Variants in CPNE1 observed in about 807,000 individuals in gnomAD.
CPNE1 encodes copine-1.
Under a neutral mutation model 63.2 loss-of-function variants are expected in CPNE1, and 58 were observed. The ratio of observed to expected loss-of-function variants is 0.92; its 90% CI spans 0.74 to 1.14. The LOEUF (loss-of-function observed/expected upper bound fraction) is 1.14, where lower values mean the gene tolerates loss of function less well. CPNE1 is among the 50% of genes most tolerant of loss of function. The probability of loss-of-function intolerance (pLI) is 0.00; values close to 1 mark genes in which losing one functional copy is unlikely to be tolerated. For synonymous variants in CPNE1, 237 were observed against 249.0 expected, an observed-to-expected ratio of 0.95 and a Z score of 0.45; for missense variants, 672 against 661.7, an observed-to-expected ratio of 1.02 and a Z score of -0.17.
In CPNE1 at chr20:35,627,287, G is replaced by A; in HGVS notation, c.1229C>T (p.Thr410Ile). The A allele has an allele frequency of 3.1e-6, 5 of 1,611,082 alleles. No individual in the cohort carries two copies. Among genetic ancestry groups the A allele is most frequent in the Non-Finnish European group, 4.2e-6 (5 of 1,178,604 alleles). Reference protein sequence around the residue: ...RFAAQAAHQGTASQYFMLLLL... With the variant: ...RFAAQAAHQGIASQYFMLLLL... Reference sequence around the variant, plus strand: ...GCCACCCACGACTCTCACCGAGGCAGTCCCCTGATGTGCAGCCTGGGCTGC... The same window carrying A: ...GCCACCCACGACTCTCACCGAGGCAATCCCCTGATGTGCAGCCTGGGCTGC... The change falls in exon 14 of 16, where the codon ACT becomes ATT. Residue 410 changes from threonine to isoleucine, a missense_variant. Thr to Ile is a moderately conservative substitution (Grantham distance 89). Transcript: ENST00000397443.
chr20:35,631,985 C>T lies in CPNE1; in HGVS notation c.497G>A (p.Arg166His), dbSNP rs375741618. 79 of 1,614,004 alleles carry T rather than the reference C, an allele frequency of 4.9e-5. No individual in the cohort carries two copies. The highest frequency in any genetic ancestry group is 6.6e-5 in the South Asian group (6 of 91,076). ...GKSDPFLEFF[R>H]QGDGKWHLVY... is the part of the protein sequence containing the mutation. ...CAGGTGCCATTTCCCATCACCCTGGCGGAAGAACTCCAGAAATGGATCTGA... is the reference window on the plus strand; with the variant it reads ...CAGGTGCCATTTCCCATCACCCTGGTGGAAGAACTCCAGAAATGGATCTGA... The change falls in exon 6 of 16, where the codon CGC becomes CAC. Residue 166 changes from arginine to histidine, a missense_variant. Transcript: ENST00000397443.
intron 1 of CPNE1, chr20:35,651,003 T>C (rs2033472025): frequency 2.6e-5 from 4 of 152,566 alleles, no homozygotes; most frequent in Admixed American, 2.6e-4. Context: ...CTGTATTGTT[T>C]ATAATGTGAC....
chr20:35,627,169 C>CAGAGCAAG (rs1370389412), intron 14 of CPNE1, 111 bp downstream of exon 14: 1 of 1,057,518 alleles, frequency 9.5e-7, no homozygotes, highest in Non-Finnish European at 1.3e-6. Context: ...GCCTGGGTGA[C>CAGAGCAAG]AGAGCAAGAG....
At position 35,631,291 on chromosome 20, in the gene CPNE1, T is replaced by C. The variant is rs149512897; in HGVS notation, c.778A>G (p.Thr260Ala). 1.7e-5 allele frequency: 27 copies of C among 1,614,072 alleles called. No individual in the cohort carries two copies. In the African/African-American group the frequency reaches 2.8e-4, roughly 17 times the overall value. Residue 260 changes from threonine to alanine, a missense_variant, in exon 9 of 16, where the codon ACT (threonine) becomes GCT (alanine). Transcript: ENST00000397443. ...QKKKSYKNSG[T>A]IRVKICRVET... ...ACCCGACAAATCTTGACACGGATAG[T>C]TCCAGAGTTCTTGTAGCTTTTCTTT...
chr20:35,636,608 C>A (rs1343288721), intron 1 of CPNE1, among the ~76,000 whole-genome samples: 1 of 152,100 alleles, frequency 6.6e-6, no homozygotes, highest in Non-Finnish European at 1.5e-5. Flanking sequence ...ACCAGCGTGG[C>A]CAACGTGGTG....
At chr20:35,630,598 A>T (rs1053970716) in intron 12 of CPNE1, 108 bp from the exon 13 acceptor site, 46 of 1,451,976 alleles carry the variant, frequency 3.2e-5, no homozygotes, top group Non-Finnish European at 4.1e-5. Flanking sequence ...AGTCCTGAGC[A>T]CTTGCTGTCT....
intron 1 of CPNE1, chr20:35,647,323 A>C (rs1405744610): frequency 1.3e-5 from 2 of 151,540 alleles, no homozygotes; most frequent in African/African-American, 4.9e-5. Flanking sequence ...TCAAAAAAAA[A>C]AAAAAAAAAA....
At chr20:35,646,172 G>T (rs1411330468) in intron 1 of CPNE1, among the ~76,000 whole-genome samples, 1 of 141,150 alleles carries the variant, frequency 7.1e-6, no homozygotes, top group African/African-American at 2.6e-5. Flanking sequence ...AAGCAGGATT[G>T]CTTGAGCCCA....
At chr20:35,633,964 A>AC (rs1359342844) in intron 1 of CPNE1, among the ~76,000 whole-genome samples, 1 of 147,626 alleles carries the variant, frequency 6.8e-6, no homozygotes, top group African/African-American at 2.5e-5. Flanking sequence ...CGTCTCAAAA[A>AC]AAAAAAAAAA....
intron 1 of CPNE1, among the ~76,000 whole-genome samples, chr20:35,633,959 CAAAAA>C (rs34006508): frequency 2.2e-4 from 9 of 40,426 alleles, no homozygotes; most frequent in South Asian, 8.7e-4. Flanking sequence ...GATTCCGTCT[CAAAAA>C]AAAAAAAAAA....
At chr20:35,663,475 T>C (rs2034346593) in intron 1 of CPNE1, among the ~76,000 whole-genome samples, 5 of 152,172 alleles carry the variant, frequency 3.3e-5, no homozygotes. Context: ...TCAACAAACC[T>C]TCAGTTGCCA....
At chr20:35,634,260 C>CA (rs35273568) in intron 1 of CPNE1, among the ~76,000 whole-genome samples, 5,927 of 85,410 alleles carry the variant, frequency 0.069, 221 homozygotes, top group Non-Finnish European at 0.11. Flanking sequence ...GACTCTGTCA[C>CA]AAAAAAAAAA....
chr20:35,626,806 G>C lies in CPNE1; in HGVS notation c.1237-3C>G, dbSNP rs749508294. On this transcript the variant is annotated splice_polypyrimidine_tract_variant and splice_region_variant and intron_variant, in intron 14 of 15. Coordinates refer to ENST00000397443, the MANE Select transcript of CPNE1 (RefSeq NM_152925.3). Reference sequence around the variant, plus strand: ...AGCAGCAACAGCATGAAGTATTGCTGGGGACAAGCCCATTCATGTCCTGAA... The same window carrying C: ...AGCAGCAACAGCATGAAGTATTGCTCGGGACAAGCCCATTCATGTCCTGAA... 6.2e-7 allele frequency: 1 copy of C among 1,612,070 alleles called. No individual in the cohort carries two copies. The highest frequency in any genetic ancestry group is 8.5e-7 in the Non-Finnish European group (1 of 1,178,210).
intron 1 of CPNE1, chr20:35,653,053 A>G: frequency 6.2e-6 from 10 of 1,613,954 alleles, no homozygotes; most frequent in Non-Finnish European, 8.5e-6. Context: ...ACTGTTTCCA[A>G]CTGAAGGCAT....
rs560133915 is a variant in CPNE1, at chr20:35,653,069, G to C, written c.-1+11691C>G. ...CTGTTTCCAACTGAAGGCATACCAG[G>C]CCTAGCATCACCAAAGGCCCCGCCT... On this transcript the variant is annotated intron_variant, in intron 1 of 15. Transcript: ENST00000397443. The C allele has an allele frequency of 1.9e-6, 3 of 1,613,928 alleles. No homozygotes were observed. In the Admixed American group the frequency reaches 5.0e-5, roughly 27 times the overall value.
chr20:35,644,361 T>C (rs1250827053), intron 1 of CPNE1, among the ~76,000 whole-genome samples: 1 of 152,174 alleles, frequency 6.6e-6, no homozygotes, highest in African/African-American at 2.4e-5. Context: ...CCCCTTTGAA[T>C]TTCTCAAGCT....
chr20:35,654,881 G>C (rs1568939212), intron 1 of CPNE1: 1 of 1,614,114 alleles, frequency 6.2e-7, no homozygotes, highest in East Asian at 2.2e-5. Context: ...GAAAATGTCT[G>C]TATGTTTTTG....
At chr20:35,647,098 G>GTC in intron 1 of CPNE1, among the ~76,000 whole-genome samples, 2 of 151,772 alleles carry the variant, frequency 1.3e-5, no homozygotes, top group East Asian at 3.9e-4. Flanking sequence ...ATCACCTGAG[G>GTC]TCAGGAGTTC....
At chr20:35,627,567 C>T in intron 13 of CPNE1, 154 bp from the exon 14 acceptor site, 1 of 661,122 alleles carries the variant, frequency 1.5e-6, no homozygotes, top group Non-Finnish European at 2.4e-6. Context: ...GTCTCCTACA[C>T]ATGAGGAAAC....
Sources: allele counts gnomAD v4.1 joint callset (sites outside exome capture counted in the v4.1 genomes callset), GRCh38; gene constraint gnomAD v4.1.1; transcripts MANE v1.5; gene names NCBI Gene and HGNC (gene_info 2026-07-23, HGNC 2026-07-21).